ACKR5: variants seen among roughly 807,000 people sequenced by gnomAD.
The protein encoded by ACKR5 is G protein-coupled receptor 182.
the ACKR5 span, chr12:56,996,373 G>A: frequency 6.2e-7 from 1 of 1,610,222 alleles, no homozygotes; most frequent in Non-Finnish European, 8.5e-7. Context: ...CACACCATTT[G>A]CTTCCAAATA....
the ACKR5 span, chr12:56,996,135 C>T: frequency 1.9e-6 from 3 of 1,614,058 alleles, no homozygotes; most frequent in South Asian, 2.2e-5. Flanking sequence ...GACTGCTTCT[C>T]CATGCTGCAC....
the ACKR5 span, chr12:56,997,632 G>A: frequency 6.6e-6 from 1 of 152,338 alleles, no homozygotes; most frequent in South Asian, 2.1e-4. Flanking sequence ...CCTAAGAACA[G>A]GATCTAGTTT....
chr12:56,997,866 A>G, the ACKR5 span: 1 of 152,222 alleles, frequency 6.6e-6, no homozygotes, highest in African/African-American at 2.4e-5. Flanking sequence ...CTCCAACTGC[A>G]TATGCACCCA....
the ACKR5 span, among the ~76,000 whole-genome samples, chr12:56,994,882 G>A: frequency 6.6e-6 from 1 of 151,172 alleles, no homozygotes; most frequent in African/African-American, 2.4e-5. Flanking sequence ...AGACCACCTA[G>A]GAATGGTGGG....
the ACKR5 span, chr12:56,995,688 C>A: frequency 1.9e-6 from 3 of 1,613,836 alleles, no homozygotes; most frequent in African/African-American, 4.0e-5. The surrounding 1 kb of genome is among the most constrained non-coding windows in gnomAD (Gnocchi z 4.7). Context: ...AGCGCCTCCC[C>A]CTCCTGGCAG....
chr12:56,995,563 C>T, the ACKR5 span: 1 of 1,614,110 alleles, frequency 6.2e-7, no homozygotes, highest in Admixed American at 1.7e-5. The surrounding 1 kb of genome is among the most constrained non-coding windows in gnomAD (Gnocchi z 4.7). Flanking sequence ...TGGACTACAC[C>T]TGGCTCTGGG....
At chr12:56,996,709 A>C in the ACKR5 span, 21 of 347,926 alleles carry the variant, frequency 6.0e-5, no homozygotes, top group Non-Finnish European at 9.5e-5. Context: ...AAAAATCTGC[A>C]CTTCCAGCTG....
the ACKR5 span, chr12:56,995,246 GAGGGGGTCACCGC>G: frequency 6.2e-7 from 1 of 1,613,994 alleles, no homozygotes; most frequent in African/African-American, 1.3e-5. The surrounding 1 kb of genome is among the most constrained non-coding windows in gnomAD (Gnocchi z 4.7). Context: ...TGGCCCCTCG[GAGGGGGTCACCGC>G]AGTGCCTACC....
At chr12:56,996,934 C>T in the ACKR5 span, 2 of 155,488 alleles carry the variant, frequency 1.3e-5, no homozygotes, top group African/African-American at 2.4e-5. Context: ...GCAGGACGTT[C>T]CCTAGCTGTG....
At chr12:56,995,669 AC>A in the ACKR5 span, 9 of 1,613,552 alleles carry the variant, frequency 5.6e-6, no homozygotes, top group Non-Finnish European at 8.5e-7. The surrounding 1 kb of genome is among the most constrained non-coding windows in gnomAD (Gnocchi z 4.7). Flanking sequence ...CCGCTATGTC[AC>A]CCTCACCAGC....
chr12:56,996,177 T>C, the ACKR5 span: 2 of 1,614,100 alleles, frequency 1.2e-6, no homozygotes, highest in Non-Finnish European at 1.7e-6. Flanking sequence ...TACAACTTTC[T>C]CAGCCCACAC....
the ACKR5 span, among the ~76,000 whole-genome samples, chr12:56,994,917 G>A: frequency 6.8e-6 from 1 of 147,816 alleles, no homozygotes; most frequent in Non-Finnish European, 1.5e-5. Flanking sequence ...GGGGGTTGTT[G>A]AGGGGGAACT....
the ACKR5 span, chr12:56,996,883 T>C: frequency 6.3e-6 from 1 of 159,476 alleles, no homozygotes; most frequent in Non-Finnish European, 1.4e-5. Context: ...ATGCAGGTTA[T>C]GGGGACAAGA....
Sources: allele counts gnomAD v4.1 joint callset (sites outside exome capture counted in the v4.1 genomes callset), GRCh38; gene constraint gnomAD v4.1.1; non-coding constraint Gnocchi (gnomAD v3.1); transcripts MANE v1.5; gene names NCBI Gene and HGNC (gene_info 2026-07-23, HGNC 2026-07-21).